Variants in ERBB4 observed in about 807,000 individuals in gnomAD.
ERBB4 encodes receptor tyrosine-protein kinase erbB-4.
In ERBB4, 42 loss-of-function variants were observed where a neutral mutation model predicts 158.0. The ratio of observed to expected loss-of-function variants is 0.27; its 90% CI spans 0.21 to 0.34. The LOEUF (loss-of-function observed/expected upper bound fraction) is 0.34, where lower values mean the gene tolerates loss of function less well. Among genes scored for constraint, ERBB4 ranks in the 10% least tolerant of loss-of-function variants. ERBB4 has a pLI of 1.00. For missense variants in ERBB4, 1,333 were observed against 1,624.1 expected, an observed-to-expected ratio of 0.82 and a Z score of 3.08; for synonymous variants, 583 against 558.7, an observed-to-expected ratio of 1.04 and a Z score of -0.61.
In ERBB4 at chr2:211,950,313, G is replaced by C. The variant is rs1382340040; in HGVS notation, c.235-2697C>G. On this transcript the variant is annotated intron_variant, in intron 2 of 27. Transcript: ENST00000342788. ...ACAGATCCTGGACATGTAGGCTAGA[G>C]TGTTCAAAAACTTGCATGTAAGACC... is the stretch of plus-strand genomic sequence containing the variant. 2.6e-5 allele frequency among the ~76,000 whole-genome samples: 4 copies of C among 152,140 alleles called. No individual in the cohort carries two copies. The East Asian group carries it at 7.7e-4, about 29-fold the overall frequency.
At chr2:211,980,297 A>T (rs1177166105) in intron 2 of ERBB4, among the ~76,000 whole-genome samples, 2 of 152,182 alleles carry the variant, frequency 1.3e-5, no homozygotes, top group African/African-American at 4.8e-5. Flanking sequence ...AATTGCCAAG[A>T]ACTTTTGAGA....
chr2:211,831,737 A>G (rs1190777157), intron 3 of ERBB4, among the ~76,000 whole-genome samples: 1 of 152,046 alleles, frequency 6.6e-6, no homozygotes. Context: ...CCCCATATCT[A>G]CTAAAAATAC....
intron 2 of ERBB4, among the ~76,000 whole-genome samples, chr2:211,976,263 T>C (rs2125217118): frequency 6.6e-6 from 1 of 152,274 alleles, no homozygotes; most frequent in South Asian, 2.1e-4. Context: ...CTCTGGGGAA[T>C]GAGGAAAGAT....
intron 5 of ERBB4, among the ~76,000 whole-genome samples, chr2:211,742,574 C>T (rs1260699497): frequency 7.0e-6 from 1 of 143,664 alleles, no homozygotes; most frequent in East Asian, 2.0e-4. Context: ...AAATAAAATT[C>T]ATAAGCCAGG....
chr2:211,540,540 TTTTG>T (rs1323706718), intron 20 of ERBB4, among the ~76,000 whole-genome samples: 2 of 151,556 alleles, frequency 1.3e-5, no homozygotes, highest in Non-Finnish European at 2.9e-5. Flanking sequence ...TTTGGTGTTT[TTTTG>T]TTTTTGTTTT....
At chr2:212,023,432 C>A (rs2125332365) in intron 2 of ERBB4, among the ~76,000 whole-genome samples, 1 of 151,958 alleles carries the variant, frequency 6.6e-6, no homozygotes, top group East Asian at 1.9e-4. Context: ...AGCCAACAAG[C>A]TTTAAATGAT....
Position 212,054,337 on chromosome 2 carries a change from A to G in ERBB4, c.234+70415T>C, listed in dbSNP as rs2077488982. On this transcript the variant is annotated intron_variant, in intron 2 of 27. Coordinates refer to ENST00000342788, the MANE Select transcript of ERBB4 (RefSeq NM_005235.3). ...AGCATGCATGAAGGTTTTTGCTGGA[A>G]CAGATGTAGGCCACATAGGATAAAA... is the stretch of plus-strand genomic sequence containing the variant. 2.6e-5 allele frequency among the ~76,000 whole-genome samples: 4 copies of G among 152,152 alleles called. No homozygotes were observed. In the East Asian group the frequency reaches 5.8e-4, roughly 22 times the overall value.
chr2:211,880,440 C>T (rs927076185), intron 3 of ERBB4, among the ~76,000 whole-genome samples: 5 of 152,066 alleles, frequency 3.3e-5, no homozygotes, highest in African/African-American at 7.2e-5. Context: ...ATCCCTCATG[C>T]GCATACACAG....
chr2:212,082,413 G>A (rs1034531434), intron 2 of ERBB4, among the ~76,000 whole-genome samples: 1 of 151,974 alleles, frequency 6.6e-6, no homozygotes, highest in East Asian at 1.9e-4. Context: ...AATAAATGCA[G>A]ATTCTGAGCA....
chr2:211,754,880 T>C (rs558603168), intron 4 of ERBB4, among the ~76,000 whole-genome samples: 2 of 152,212 alleles, frequency 1.3e-5, no homozygotes, highest in Non-Finnish European at 2.9e-5. Flanking sequence ...TTGTGTTTTT[T>C]AGTAGAGACG....
intron 3 of ERBB4, among the ~76,000 whole-genome samples, chr2:211,834,401 G>A (rs952540595): frequency 1.3e-5 from 2 of 151,752 alleles, no homozygotes; most frequent in Non-Finnish European, 2.9e-5. Context: ...GCTAACCAGA[G>A]AGTAGGGGCA....
intron 19 of ERBB4, among the ~76,000 whole-genome samples, chr2:211,615,613 T>G (rs1356140979): frequency 6.6e-6 from 1 of 152,120 alleles, no homozygotes; most frequent in Non-Finnish European, 1.5e-5. Context: ...CTCCTTCTCT[T>G]GCTTTTAGTG....
At chr2:212,305,924 ATGTTTT>A (rs1264419469) in intron 1 of ERBB4, among the ~76,000 whole-genome samples, 1 of 151,282 alleles carries the variant, frequency 6.6e-6, no homozygotes, top group Non-Finnish European at 1.5e-5. Flanking sequence ...AATAGCCTCA[ATGTTTT>A]TTAGACATGC....
At chr2:212,327,728 C>CTTTTTTTTTTTTTTTTTTTTTTTT (rs11413473) in intron 1 of ERBB4, among the ~76,000 whole-genome samples, 1 of 133,372 alleles carries the variant, frequency 7.5e-6, no homozygotes, top group Non-Finnish European at 1.6e-5. Flanking sequence ...TTCTTTTTTT[C>CTTTTTTTTTTTTTTTTTTTTTTTT]TTTTTTTTTT....
At chr2:212,362,948 G>A (rs2089747581) in intron 1 of ERBB4, among the ~76,000 whole-genome samples, 1 of 150,954 alleles carries the variant, frequency 6.6e-6, no homozygotes, top group Non-Finnish European at 1.5e-5. Flanking sequence ...ATAAAAATAT[G>A]GGCATTTTAC....
intron 1 of ERBB4, among the ~76,000 whole-genome samples, chr2:212,402,129 T>A (rs531927003): frequency 1.3e-5 from 2 of 152,048 alleles, no homozygotes; most frequent in South Asian, 4.1e-4. Flanking sequence ...CTTTAACAGG[T>A]GAATGGTTTA....
chr2:211,651,933 T>C (rs1403131612), intron 16 of ERBB4, among the ~76,000 whole-genome samples: 1 of 152,234 alleles, frequency 6.6e-6, no homozygotes, highest in African/African-American at 2.4e-5. Context: ...TAATTTTACC[T>C]GTGGAACTGT....
At chr2:211,567,802 T>C (rs1409941958) in intron 19 of ERBB4, among the ~76,000 whole-genome samples, 6 of 151,140 alleles carry the variant, frequency 4.0e-5, no homozygotes, top group South Asian at 4.2e-4. Context: ...TTTTTTTTTT[T>C]CATAAAAGAA....
At chr2:211,603,049 G>A (rs1445420779) in intron 19 of ERBB4, among the ~76,000 whole-genome samples, 2 of 152,032 alleles carry the variant, frequency 1.3e-5, no homozygotes, top group Non-Finnish European at 2.9e-5. Flanking sequence ...CAACCAAGAT[G>A]GTGAAACTCC....
Sources: gnomAD v4.1 joint callset for allele counts (sites outside exome capture counted in the v4.1 genomes callset) on GRCh38, gnomAD v4.1.1 for gene constraint, MANE v1.5 for transcripts, NCBI Gene and HGNC (gene_info 2026-07-23, HGNC 2026-07-21) for gene names.